The following RBM20 variants were observed in gnomAD, a reference collection of about 807,000 sequenced individuals.
RBM20 encodes RNA binding motif protein 20.
A neutral mutation model predicts 110.1 loss-of-function variants in RBM20; 51 were observed. That is an observed-to-expected ratio of 0.46 (90% CI 0.37 to 0.59). The LOEUF is 0.59. Ranked by LOEUF, RBM20 falls within the 20% of genes least tolerant of loss-of-function variation. RBM20 has a pLI of 0.00. For missense variants in RBM20, 1,512 were observed against 1,574.9 expected, an observed-to-expected ratio of 0.96 and a Z score of 0.68; for synonymous variants, 589 against 618.2, an observed-to-expected ratio of 0.95 and a Z score of 0.70.
At chr10:110,649,863 T>G (rs186253210) in intron 1 of RBM20, among the ~76,000 whole-genome samples, 1 of 152,342 alleles carries the variant, frequency 6.6e-6, no homozygotes, top group Admixed American at 6.5e-5. Flanking sequence ...CTTGAGAATA[T>G]GCGTGTTATC....
At chr10:110,783,146 T>A (rs1844375641) in intron 2 of RBM20, among the ~76,000 whole-genome samples, 1 of 151,888 alleles carries the variant, frequency 6.6e-6, no homozygotes, top group South Asian at 2.1e-4. Flanking sequence ...GGGCATGAGA[T>A]GTATGGATGA....
chr10:110,770,213 T>C (rs1324248534), intron 1 of RBM20, among the ~76,000 whole-genome samples: 2 of 152,162 alleles, frequency 1.3e-5, no homozygotes, highest in African/African-American at 4.8e-5. Context: ...ATCTGTGTTT[T>C]AGGAAGTTCT....
chr10:110,794,556 A>G (rs1194807604), intron 5 of RBM20, among the ~76,000 whole-genome samples: 1 of 152,252 alleles, frequency 6.6e-6, no homozygotes, highest in African/African-American at 2.4e-5. Flanking sequence ...AGCCTGAGGG[A>G]TCAATATCTT....
At chr10:110,722,511 A>G (rs1350259621) in intron 1 of RBM20, among the ~76,000 whole-genome samples, 3 of 152,256 alleles carry the variant, frequency 2.0e-5, no homozygotes, top group African/African-American at 7.2e-5. Context: ...ACATGTATCT[A>G]CCATTATAAT....
At chr10:110,734,618 C>CATTTTTTT (rs34824300) in intron 1 of RBM20, among the ~76,000 whole-genome samples, 6 of 136,532 alleles carry the variant, frequency 4.4e-5, no homozygotes, top group Non-Finnish European at 6.3e-5. Context: ...AAAATTCCCT[C>CATTTTTTT]TTTTTTTTTT....
chr10:110,730,764 C>T (rs886092145), intron 1 of RBM20, among the ~76,000 whole-genome samples: 1 of 152,206 alleles, frequency 6.6e-6, no homozygotes, highest in Non-Finnish European at 1.5e-5. Context: ...ATGCCCAGCC[C>T]CTCCTTCCTT....
intron 8 of RBM20, among the ~76,000 whole-genome samples, chr10:110,811,859 G>T (rs961202480): frequency 6.6e-6 from 1 of 152,150 alleles, no homozygotes; most frequent in Non-Finnish European, 1.5e-5. Flanking sequence ...GGCACCCAGG[G>T]TTAGGCAGCC....
chr10:110,709,152 G>C, intron 1 of RBM20, among the ~76,000 whole-genome samples: 1 of 152,144 alleles, frequency 6.6e-6, no homozygotes, highest in Admixed American at 6.5e-5. Flanking sequence ...CCTGATGCAG[G>C]GTCAGGTTCA....
chr10:110,785,651 C>T (rs4917586), intron 5 of RBM20, among the ~76,000 whole-genome samples: 150,252 of 152,302 alleles, frequency 0.99, 74,137 homozygotes, highest in East Asian at 1. Context: ...GAGGTGCTGA[C>T]CTGGCTTTGT....
intron 1 of RBM20, among the ~76,000 whole-genome samples, chr10:110,699,260 C>CTTT (rs5787867): frequency 4.1e-5 from 5 of 123,360 alleles, no homozygotes; most frequent in Admixed American, 8.6e-5. Context: ...AAAGTGCATT[C>CTTT]TTTTTTTTTT....
chr10:110,676,742 T>C (rs1166378598), intron 1 of RBM20, among the ~76,000 whole-genome samples: 2 of 152,266 alleles, frequency 1.3e-5, no homozygotes. Context: ...TTCTTGTCCC[T>C]GTATCGTTGA....
intron 1 of RBM20, among the ~76,000 whole-genome samples, chr10:110,696,940 A>T (rs1443452829): frequency 6.6e-6 from 1 of 152,056 alleles, no homozygotes; most frequent in African/African-American, 2.4e-5. Context: ...AGCCTCCCAA[A>T]AGGGAGCCCA....
intron 1 of RBM20, among the ~76,000 whole-genome samples, chr10:110,737,177 C>CAAAAAAAAAAAAAAAAACAAA (rs1843679695): frequency 3.8e-5 from 1 of 26,618 alleles, no homozygotes; most frequent in Non-Finnish European, 7.0e-5. Context: ...AACTCTGCCT[C>CAAAAAAAAAAAAAAAAACAAA]AAAAAAAAAA....
intron 10 of RBM20, among the ~76,000 whole-genome samples, 151 bp downstream of exon 10, chr10:110,820,327 A>G (rs1844891977): frequency 6.6e-6 from 1 of 152,142 alleles, no homozygotes; most frequent in African/African-American, 2.4e-5. Flanking sequence ...GCTACTTTGG[A>G]GGAGTGGCTG....
Position 110,812,308 on chromosome 10 carries a change from T to C in RBM20, c.1911T>C (p.Ser637=). The C allele has an allele frequency of 6.5e-7, 1 of 1,549,930 alleles. No individual in the cohort carries two copies. The highest frequency in any genetic ancestry group is 1.2e-5 in the South Asian group (1 of 84,004). The change falls in exon 9 of 14, where the codon AGT becomes AGC. Residue 637 remains serine, a synonymous_variant. Transcript: ENST00000369519. Reference sequence around the variant, plus strand: ...GCCCAGAAAGGCCGCGGTCTCGTAGTCCGGTGAGCCGGTCACTCTCCCCGA... The same window carrying C: ...GCCCAGAAAGGCCGCGGTCTCGTAGCCCGGTGAGCCGGTCACTCTCCCCGA... The part of the protein sequence containing the change: ...RYGPERPRSR[S]PVSRSLSPRS...
At chr10:110,691,404 A>G (rs1435157830) in intron 1 of RBM20, among the ~76,000 whole-genome samples, 2 of 152,222 alleles carry the variant, frequency 1.3e-5, no homozygotes, top group Non-Finnish European at 2.9e-5. Context: ...CAGCAATGCA[A>G]GAGGATTCCA....
At chr10:110,684,875 C>A (rs1174202040) in intron 1 of RBM20, among the ~76,000 whole-genome samples, 1 of 152,198 alleles carries the variant, frequency 6.6e-6, no homozygotes, top group African/African-American at 2.4e-5. Flanking sequence ...TGGGAGCACT[C>A]CGCCGGCCCT....
chr10:110,752,941 A>T (rs372612253), intron 1 of RBM20, among the ~76,000 whole-genome samples: 18,307 of 91,334 alleles, frequency 0.2, 1,738 homozygotes, highest in Non-Finnish European at 0.28. Context: ...ATATATATAT[A>T]TATATTTTTT....
At chr10:110,733,353 G>A (rs961214397) in intron 1 of RBM20, among the ~76,000 whole-genome samples, 2 of 152,206 alleles carry the variant, frequency 1.3e-5, no homozygotes, top group Non-Finnish European at 2.9e-5. Context: ...GTAATGTTGA[G>A]AAGGAGGATG....
Sources: gnomAD v4.1 joint callset for allele counts (sites outside exome capture counted in the v4.1 genomes callset) on GRCh38, gnomAD v4.1.1 for gene constraint, MANE v1.5 for transcripts, NCBI Gene and HGNC (gene_info 2026-07-23, HGNC 2026-07-21) for gene names.